Variants in TNKS observed in about 807,000 individuals in gnomAD.
TNKS encodes the protein poly [ADP-ribose] polymerase tankyrase-1.
A neutral mutation model predicts 135.8 loss-of-function variants in TNKS; 72 were observed. That is an observed-to-expected ratio of 0.53 (90% CI 0.44 to 0.64). TNKS has a LOEUF of 0.64. Among genes scored for constraint, TNKS ranks in the 30% least tolerant of loss-of-function variants. TNKS has a pLI of 0.00. For missense variants in TNKS, 1,769 were observed against 1,674.0 expected, an observed-to-expected ratio of 1.06 and a Z score of -0.99; for synonymous variants, 849 against 649.3, an observed-to-expected ratio of 1.31 and a Z score of -4.68.
intron 5 of TNKS, among the ~76,000 whole-genome samples, chr8:9,699,671 A>T (rs1585344593): frequency 6.6e-6 from 1 of 151,944 alleles, no homozygotes; most frequent in Admixed American, 6.6e-5. Flanking sequence ...TAGCTCAGCT[A>T]CTCCTACTTA....
At chr8:9,756,702 C>G (rs534499714) in intron 20 of TNKS, among the ~76,000 whole-genome samples, 12 of 152,130 alleles carry the variant, frequency 7.9e-5, no homozygotes, top group Non-Finnish European at 1.6e-4. Flanking sequence ...TCATAGTTAC[C>G]CAGCTACAGA....
intron 3 of TNKS, among the ~76,000 whole-genome samples, chr8:9,617,243 C>T (rs929869757): frequency 6.6e-6 from 1 of 152,166 alleles, no homozygotes; most frequent in Non-Finnish European, 1.5e-5. Context: ...TTGGAACAAT[C>T]ACTTGTGGAG....
chr8:9,710,200 C>T lies in TNKS; in HGVS notation c.1729C>T (p.Leu577=), dbSNP rs145392682. 5.2e-5 allele frequency: 84 copies of T among 1,614,108 alleles called. No homozygotes were observed. The African/African-American group carries it at 1.1e-3, about 21-fold the overall frequency. Reference sequence around the variant, plus strand: ...AGCCCATAATGATGTCATGGAAGTTCTGCATAAGCATGGCGCCAAGGTGAG... The same window carrying T: ...AGCCCATAATGATGTCATGGAAGTTTTGCATAAGCATGGCGCCAAGGTGAG... The part of the protein sequence containing the change: ...ERAHNDVMEV[L]HKHGAKMNAL... The change falls in exon 11 of 27, where the codon CTG becomes TTG. Residue 577 remains leucine, a synonymous_variant. Coordinates refer to ENST00000310430, the MANE Select transcript of TNKS (RefSeq NM_003747.3).
intron 7 of TNKS, 134 bp from the exon 8 acceptor site, chr8:9,706,677 G>A: frequency 1.3e-6 from 1 of 756,606 alleles, no homozygotes; most frequent in Non-Finnish European, 2.0e-6. Context: ...GTTTTTGAAA[G>A]GTGATATTGA....
In TNKS at chr8:9,780,363, C is replaced by T. The variant is rs1193850733; in HGVS notation, c.*3627C>T. ...GTGTTTTCTGTTGGACTAATTGTCT[C>T]ACGTAAAGCTATAGACCTTACTAAT... On this transcript the variant is annotated 3_prime_UTR_variant, in exon 27 of 27. Coordinates refer to ENST00000310430, the MANE Select transcript of TNKS (RefSeq NM_003747.3). The T allele has an allele frequency of 6.6e-6, 1 of 152,032 alleles. No individual in the cohort carries two copies. Among genetic ancestry groups the T allele is most frequent in the East Asian group, 1.9e-4 (1 of 5,194 alleles). 9.4% of individuals were successfully genotyped at this position (152,032 alleles called of 1,614,324 possible). A position where few individuals can be genotyped will look rare whatever the true frequency, so the allele number is the denominator to read the frequency against.
chr8:9,698,752 T>C (rs1326742397), intron 5 of TNKS, among the ~76,000 whole-genome samples: 1 of 152,214 alleles, frequency 6.6e-6, no homozygotes. Flanking sequence ...TGCATGGTTG[T>C]ATAGGAAAAA....
At chr8:9,775,459 CTATATATATATATA>C (rs59789406) in intron 26 of TNKS, among the ~76,000 whole-genome samples, 7,867 of 80,618 alleles carry the variant, frequency 0.098, 478 homozygotes, top group East Asian at 0.16. Context: ...ATGAATGGTT[CTATATATATATATA>C]TATATATATA....
intron 3 of TNKS, chr8:9,670,277 C>G (rs1802215810): frequency 6.6e-6 from 1 of 152,116 alleles, no homozygotes; most frequent in Admixed American, 6.5e-5. Context: ...AAAGTTGTTT[C>G]AAGTCTGTCT....
chr8:9,662,834 T>C (rs1801787713), intron 3 of TNKS, among the ~76,000 whole-genome samples: 1 of 152,256 alleles, frequency 6.6e-6, no homozygotes, highest in African/African-American at 2.4e-5. Context: ...TTAAAAATCC[T>C]CAATCTGCCA....
chr8:9,696,422 A>T (rs1192824834), intron 5 of TNKS, among the ~76,000 whole-genome samples: 2 of 152,184 alleles, frequency 1.3e-5, no homozygotes, highest in African/African-American at 2.4e-5. Context: ...CTAAGAAATA[A>T]CATGAGGAAG....
At chr8:9,656,611 CTT>C (rs71201960) in intron 3 of TNKS, among the ~76,000 whole-genome samples, 4 of 136,460 alleles carry the variant, frequency 2.9e-5, no homozygotes, top group African/African-American at 1.1e-4. Context: ...AAAGAATTTT[CTT>C]TTTTTTTTTT....
At chr8:9,711,626 T>G (rs1804338620) in intron 11 of TNKS, among the ~76,000 whole-genome samples, 1 of 152,196 alleles carries the variant, frequency 6.6e-6, no homozygotes, top group Admixed American at 6.5e-5. Context: ...GGTTCAAAAT[T>G]TGTTAATAGT....
At chr8:9,708,079 C>T (rs1159145239) in intron 8 of TNKS, among the ~76,000 whole-genome samples, 1 of 152,068 alleles carries the variant, frequency 6.6e-6, no homozygotes, top group Non-Finnish European at 1.5e-5. Flanking sequence ...AACTGGTTTC[C>T]TTTTGGTGGA....
chr8:9,706,293 T>G (rs748303446), intron 7 of TNKS, 40 bp downstream of exon 7: 140 of 1,445,624 alleles, frequency 9.7e-5, no homozygotes, highest in Non-Finnish European at 1.2e-4. Context: ...TTTACTTTTT[T>G]TTTTTTTCTT....
rs556250065 is a variant in TNKS at position 9,714,767 on chromosome 8, A to C, written c.1749+4547A>C. On this transcript the variant is annotated intron_variant, in intron 11 of 26. Transcript: ENST00000310430. ...GACTTAGAGAATGGTGGTGCAATTA[A>C]TGGAAGTAAGAAAGCTACAGAGAAA... Among the ~76,000 whole-genome samples the C allele has an allele frequency of 1.3e-4, 20 of 152,334 alleles. 2 individuals carry two copies. Among genetic ancestry groups the C allele is most frequent in the African/African-American group, 4.8e-4 (20 of 41,594 alleles).
intron 3 of TNKS, among the ~76,000 whole-genome samples, chr8:9,673,185 A>T (rs1359495529): frequency 6.6e-6 from 1 of 152,174 alleles, no homozygotes; most frequent in Non-Finnish European, 1.5e-5. Context: ...TGGGATGTGT[A>T]TCTTAGATGT....
intron 1 of TNKS, among the ~76,000 whole-genome samples, chr8:9,572,077 G>T (rs1797776965): frequency 6.6e-6 from 1 of 152,132 alleles, no homozygotes; most frequent in African/African-American, 2.4e-5. Context: ...GATTTGTACT[G>T]AGTTAATTCA....
At chr8:9,752,353 ACT>A (rs1351720282) in intron 19 of TNKS, among the ~76,000 whole-genome samples, 189 bp from the exon 20 acceptor site, 2 of 152,054 alleles carry the variant, frequency 1.3e-5, no homozygotes, top group Admixed American at 6.6e-5. Flanking sequence ...AAGATAAAAC[ACT>A]CTGTTTTTAC....
chr8:9,582,159 C>G (rs532865930), intron 2 of TNKS, among the ~76,000 whole-genome samples: 29 of 152,192 alleles, frequency 1.9e-4, no homozygotes, highest in African/African-American at 7.0e-4. Flanking sequence ...TTGCAGAAAC[C>G]TCTTAGGAGG....
Sources: gnomAD v4.1 joint callset for allele counts (sites outside exome capture counted in the v4.1 genomes callset) on GRCh38, gnomAD v4.1.1 for gene constraint, MANE v1.5 for transcripts, NCBI Gene and HGNC (gene_info 2026-07-23, HGNC 2026-07-21) for gene names.